The following AHCTF1 variants were observed in gnomAD, a reference collection of about 807,000 sequenced individuals.
The protein encoded by AHCTF1 is AT-hook containing transcription factor 1, also known as protein ELYS.
A neutral mutation model predicts 248.4 loss-of-function variants in AHCTF1; 24 were observed. That is an observed-to-expected ratio of 0.10 (90% confidence interval 0.07 to 0.14). The LOEUF (loss-of-function observed/expected upper bound fraction) is 0.14. AHCTF1 is among the 10% of genes least tolerant of loss of function. The pLI, the probability that AHCTF1 is intolerant of heterozygous loss-of-function variation, is 1.00. For missense variants in AHCTF1, 2,206 were observed against 2,636.2 expected (o/e 0.84, Z 3.57); for synonymous variants, 786 against 929.8 (o/e 0.85, Z 2.81).
rs2103042685 is a variant in AHCTF1 at position 246,850,633 on chromosome 1, A to G, written c.5373T>C (p.Ser1791=). ...EISEASENIY[S]DVRGLSQNQQ... is the part of the protein sequence containing the mutation. Reference sequence around the variant, plus strand: ...GGTTCTGAGATAGTCCTCTGACATCAGAATAGATGTTTTCAGAAGCTTCAG... The same window carrying G: ...GGTTCTGAGATAGTCCTCTGACATCGGAATAGATGTTTTCAGAAGCTTCAG... Residue 1791 remains serine (S), a synonymous_variant, in exon 33 of 36, where the codon TCT becomes TCC. Transcript: ENST00000648844. 6.2e-7 allele frequency: 1 copy of G among 1,613,848 alleles called. No individual in the cohort carries two copies. The highest frequency in any genetic ancestry group is 8.5e-7 in the Non-Finnish European group (1 of 1,179,818).
At chr1:246,931,046 T>C (rs1667314118) in intron 1 of AHCTF1, 4 of 1,468,066 alleles carry the variant, frequency 2.7e-6, no homozygotes, top group East Asian at 2.7e-5. Flanking sequence ...TTATTTTAAA[T>C]CTCCTTGATC....
At chr1:246,858,561 G>A (rs1470139866) in intron 29 of AHCTF1, among the ~76,000 whole-genome samples, 1 of 152,064 alleles carries the variant, frequency 6.6e-6, no homozygotes, top group Non-Finnish European at 1.5e-5. Context: ...CAGGCACGGA[G>A]GCTCATACCT....
At position 246,867,901 on chromosome 1, in the gene AHCTF1, C is replaced by CCCCA. The variant is rs1168192322; in HGVS notation, c.3089-91_3089-90insTGGG. 34 of 313,808 alleles carry CCCCA rather than the reference C, an allele frequency of 1.1e-4. No homozygotes were observed. The African/African-American group carries it at 1.5e-3, about 14-fold the overall frequency. 19.4% of individuals were successfully genotyped at this position (313,808 alleles called of 1,614,324 possible). A position where few individuals can be genotyped will look rare whatever the true frequency, so the allele number is the denominator to read the frequency against. On this transcript the variant is annotated intron_variant, in intron 24 of 35. Transcript: ENST00000648844. ...TGAAAGAATGATTACACCCCCCCCC[C>CCCCA]CACACACACACACACACACATTACG...
intron 24 of AHCTF1, among the ~76,000 whole-genome samples, chr1:246,868,845 TG>T (rs374148720): frequency 4.1e-4 from 43 of 105,288 alleles, no homozygotes; most frequent in Admixed American, 1.3e-3. Context: ...GTGTGTTTTT[TG>T]TTTTTTTTTT....
Position 246,922,855 on chromosome 1 carries a change from C to T in AHCTF1, c.-7-4478G>A, listed in dbSNP as rs547321311. On this transcript the variant is annotated intron_variant, in intron 1 of 35. Transcript: ENST00000648844. ...AAAAATAGCCGGGCGTGGTGGCAGGCGCCTGTAGTCCCAGCTACTCGGGAG... is the reference window on the plus strand; with the variant it reads ...AAAAATAGCCGGGCGTGGTGGCAGGTGCCTGTAGTCCCAGCTACTCGGGAG... 3.5e-4 allele frequency among the ~76,000 whole-genome samples: 52 copies of T among 150,530 alleles called. No homozygotes were observed. The East Asian group carries it at 4.6e-3, about 13-fold the overall frequency.
chr1:246,913,287 A>G lies in AHCTF1; in HGVS notation c.501T>C (p.Leu167=). 1 of 1,613,174 alleles carries G rather than the reference A, an allele frequency of 6.2e-7. No individual in the cohort carries two copies. The highest frequency in any genetic ancestry group is 1.1e-5 in the South Asian group (1 of 90,998). ...ACAAGTCATCCAAACATAGGTCAAC[A>G]AGAAGGATCTGTCCAACATCAGTGA... ...AVVTDVGQIL[L]VDLCLDDLSC... The change falls in exon 4 of 36, where the codon CTT becomes CTC. Residue 167 remains leucine, a synonymous_variant. Coordinates refer to ENST00000648844, the MANE Select transcript of AHCTF1 (RefSeq NM_001323342.2).
chr1:246,890,925 T>C, intron 16 of AHCTF1, 31 bp downstream of exon 16: 1 of 1,331,994 alleles, frequency 7.5e-7, no homozygotes, highest in South Asian at 1.8e-5. Flanking sequence ...AATGTTTTAA[T>C]TAATACTTAT....
At chr1:246,907,464 T>C (rs1479307892) in intron 5 of AHCTF1, 87 bp downstream of exon 5, 2 of 1,197,884 alleles carry the variant, frequency 1.7e-6, no homozygotes, top group African/African-American at 1.5e-5. Flanking sequence ...TTTCTCACTA[T>C]GCTAACTTTC....
chr1:246,927,908 G>A (rs188674087), intron 1 of AHCTF1, among the ~76,000 whole-genome samples: 132 of 152,316 alleles, frequency 8.7e-4, no homozygotes, highest in African/African-American at 3.0e-3. Context: ...GCTGAGGCAG[G>A]AGAATCGCTT....
At chr1:246,894,348 G>A (rs936222963) in intron 14 of AHCTF1, among the ~76,000 whole-genome samples, 6 of 152,122 alleles carry the variant, frequency 3.9e-5, no homozygotes, top group South Asian at 2.1e-4. Flanking sequence ...AGAGGCGGGC[G>A]GATCACAACG....
chr1:246,912,836 C>T (rs1665901941), intron 4 of AHCTF1, among the ~76,000 whole-genome samples: 1 of 152,006 alleles, frequency 6.6e-6, no homozygotes, highest in African/African-American at 2.4e-5. Flanking sequence ...ATGCCAAGAA[C>T]ACTATGTTAG....
At chr1:246,928,455 G>C (rs1030273900) in intron 1 of AHCTF1, among the ~76,000 whole-genome samples, 2 of 152,080 alleles carry the variant, frequency 1.3e-5, no homozygotes, top group Non-Finnish European at 2.9e-5. Flanking sequence ...TAATAAATTA[G>C]GATAACAGGA....
At chr1:246,898,175 C>T (rs746793008) in intron 12 of AHCTF1, 33 bp downstream of exon 12, 2 of 1,609,220 alleles carry the variant, frequency 1.2e-6, no homozygotes, top group Non-Finnish European at 1.7e-6. Flanking sequence ...GTGATCCAAC[C>T]AAAAGAAACA....
rs1180100816 is a variant in AHCTF1, at chr1:246,853,220, A to C, written c.4434T>G (p.Leu1478=). 2 of 1,613,878 alleles carry C rather than the reference A, an allele frequency of 1.2e-6. No individual in the cohort carries two copies. Among genetic ancestry groups the C allele is most frequent in the Admixed American group, 1.7e-5 (1 of 60,002 alleles). The change falls in exon 32 of 36, where the codon CTT becomes CTG. Residue 1478 remains leucine (L), a synonymous_variant. Coordinates refer to ENST00000648844, the MANE Select transcript of AHCTF1 (RefSeq NM_001323342.2). The stretch of plus-strand genomic sequence containing the variant: ...TTAAGTTCAGCGCTACTTCCTGGTT[A>C]AGCCTGCGCTCAGAGACAATAGGAC... The part of the protein sequence containing the change: ...SEGPIVSERR[L]NQEVALNLKE...
At chr1:246,875,913 T>C (rs1046732947) in intron 24 of AHCTF1, 124 bp downstream of exon 24, 2 of 898,484 alleles carry the variant, frequency 2.2e-6, no homozygotes, top group South Asian at 4.3e-5. Flanking sequence ...AAACCAGCAA[T>C]ATCTCCAAGG....
At position 246,931,579 on chromosome 1, in the gene AHCTF1, T is replaced by A; in HGVS notation, c.-9A>T. On this transcript the variant is annotated splice_region_variant and 5_prime_UTR_variant, in exon 1 of 36. Coordinates refer to ENST00000648844, the MANE Select transcript of AHCTF1 (RefSeq NM_001323342.2). Reference sequence around the variant, plus strand: ...ACCCCCTCCCTCCCTTCCCCCTACCTGAACGGGGCGGGTGAGCGCGCCGCC... The same window carrying A: ...ACCCCCTCCCTCCCTTCCCCCTACCAGAACGGGGCGGGTGAGCGCGCCGCC... The A allele has an allele frequency of 5.7e-6, 1 of 175,314 alleles. No individual in the cohort carries two copies. The highest frequency in any genetic ancestry group is 1.1e-5 in the Non-Finnish European group (1 of 91,902). 10.9% of individuals were successfully genotyped at this position (175,314 alleles called of 1,614,324 possible).
rs1179985756 is a variant in AHCTF1, at chr1:246,877,191, A to T, written c.2772T>A (p.Asp924Glu). ...EVCQEMGLME[D>E]LLKLPFTDTE... is the part of the protein sequence containing the mutation. ...TGTCTGTAAATGGTAACTTCAGTAAATCTTCCATCAAGCCCATTTCCTGAC... is the reference window on the plus strand; with the variant it reads ...TGTCTGTAAATGGTAACTTCAGTAATTCTTCCATCAAGCCCATTTCCTGAC... The change falls in exon 22 of 36, where the codon GAT becomes GAA. Residue 924 changes from aspartate to glutamate, a missense_variant. Physicochemically the swap from Asp to Glu is conservative, Grantham distance 45. Transcript: ENST00000648844. 1 of 1,613,158 alleles carries T rather than the reference A, an allele frequency of 6.2e-7. No homozygotes were observed. Among genetic ancestry groups the T allele is most frequent in the Non-Finnish European group, 8.5e-7 (1 of 1,179,882 alleles).
rs371700285 is a variant in AHCTF1 at position 246,867,273 on chromosome 1, T to C, written c.3318A>G (p.Pro1106=). ...AAATTTTTTGTGATGCTTTTGAAATTGGTGTTCCAAAAAATGCCTCAGGCA... is the reference window on the plus strand; with the variant it reads ...AAATTTTTTGTGATGCTTTTGAAATCGGTGTTCCAAAAAATGCCTCAGGCA... ...PELPEAFFGT[P]ISKASQKISR... is the part of the protein sequence containing the mutation. Residue 1106 remains proline, a synonymous_variant, in exon 26 of 36, where the codon CCA becomes CCG. Transcript: ENST00000648844. 9.1e-5 allele frequency: 145 copies of C among 1,601,326 alleles called. No individual in the cohort carries two copies. Among genetic ancestry groups the C allele is most frequent in the Non-Finnish European group, 1.2e-4 (144 of 1,173,110 alleles).
intron 33 of AHCTF1, among the ~76,000 whole-genome samples, chr1:246,846,334 CAG>C (rs1332797721): frequency 1.3e-5 from 2 of 151,706 alleles, no homozygotes; most frequent in Non-Finnish European, 2.9e-5. Context: ...GCACAAGGGA[CAG>C]AAAGTATGGT....
Sources: allele counts gnomAD v4.1 joint callset (sites outside exome capture counted in the v4.1 genomes callset), GRCh38; gene constraint gnomAD v4.1.1; transcripts MANE v1.5; gene names NCBI Gene and HGNC (gene_info 2026-07-23, HGNC 2026-07-21).